Variants in OSBPL5 observed in about 807,000 individuals in gnomAD.
OSBPL5 encodes the protein oxysterol-binding protein-related protein 5.
A neutral mutation model predicts 111.2 loss-of-function variants in OSBPL5; 71 were observed. The observed-to-expected ratio is 0.64, with a 90% confidence interval of 0.53 to 0.78. The LOEUF (loss-of-function observed/expected upper bound fraction) is 0.78. Ranked by LOEUF, OSBPL5 falls within the 30% of genes least tolerant of loss-of-function variation. The pLI is 0.00. For missense variants in OSBPL5, 1,210 were observed against 1,189.3 expected (o/e 1.02, Z -0.26); for synonymous variants, 549 against 513.9 (o/e 1.07, Z -0.93).
chr11:3,122,079 C>T lies in OSBPL5; in HGVS notation c.320G>A (p.Arg107Gln), dbSNP rs973797705. Residue 107 changes from arginine to glutamine, a missense_variant, in exon 5 of 22, where the codon CGG becomes CAG. Transcript: ENST00000263650. ...CCGTGTGGCGCGCTTCTTCTCCTGC[C>T]GGTAGTTCTCCTTCTGCGCCTGGGC... ...ETLKAQKENYRQEKKRATRQL... is the reference protein window; with the variant it reads ...ETLKAQKENYQQEKKRATRQL... 23 of 1,576,894 alleles carry T rather than the reference C, an allele frequency of 1.5e-5. No homozygotes were observed. The highest frequency in any genetic ancestry group is 4.0e-5 in the African/African-American group (3 of 74,482).
intron 1 of OSBPL5, among the ~76,000 whole-genome samples, chr11:3,155,484 T>G (rs1169774871): frequency 1.9e-5 from 1 of 51,300 alleles, no homozygotes; most frequent in Admixed American, 2.3e-4. Flanking sequence ...CCCCCCAGCT[T>G]TGCCACTCCC....
rs567473949 is a variant in OSBPL5 at position 3,090,632 on chromosome 11, G to A, written c.2324C>T (p.Thr775Met). Residue 775 changes from threonine to methionine, a missense_variant, in exon 20 of 22, where the codon ACG (threonine) becomes ATG (methionine). Physicochemically the swap from Thr to Met is moderately conservative, Grantham distance 81 (BLOSUM62 -1). Transcript: ENST00000263650. ...SDQPSGHSQA[T>M]ESSGSTPESC... ...CTCAGGCGTGGATCCGCTGCTCTCCGTGGCCTGGCTGTGGCCGGAGGGCTG... is the reference window on the plus strand; with the variant it reads ...CTCAGGCGTGGATCCGCTGCTCTCCATGGCCTGGCTGTGGCCGGAGGGCTG... 34 of 1,613,012 alleles carry A rather than the reference G, an allele frequency of 2.1e-5. No homozygotes were observed. Among genetic ancestry groups the A allele is most frequent in the Admixed American group, 3.3e-5 (2 of 60,022 alleles).
rs374656353 is a variant in OSBPL5 at position 3,107,882 on chromosome 11, G to A, written c.755C>T (p.Thr252Ile). 7 of 1,606,702 alleles carry A rather than the reference G, an allele frequency of 4.4e-6. No individual in the cohort carries two copies. The African/African-American group carries it at 9.3e-5, about 21-fold the overall frequency. The stretch of plus-strand genomic sequence containing the variant: ...CTCCCCGTCTCGGCCCGGCTTGCAG[G>A]TGCCCAGTCTCAGTAGGCTAGAGCA... ...LRCSSLLRLG[T>I]CKPGRDGEPG... Residue 252 changes from threonine to isoleucine, a missense_variant, in exon 8 of 22, where the codon ACC becomes ATC. Transcript: ENST00000263650. The surrounding 1 kb of genome is among the most constrained non-coding windows in gnomAD (Gnocchi z 6.1).
In OSBPL5 at chr11:3,130,540, A is replaced by G. The variant is rs1198125433; in HGVS notation, c.-21-1371T>C. On this transcript the variant is annotated intron_variant, in intron 1 of 21. Transcript: ENST00000263650. This position sits in a 1 kb window ranked among gnomAD's most constrained non-coding sequence, Gnocchi z 4.5. ...CCTCTGTGCCCCCAGTCCTGAAGTC[A>G]GAGTGGGGAGGGGCTCCAAGGATGC... 6.6e-6 allele frequency among the ~76,000 whole-genome samples: 1 copy of G among 152,164 alleles called. No individual in the cohort carries two copies. Among genetic ancestry groups the G allele is most frequent in the Non-Finnish European group, 1.5e-5 (1 of 68,024 alleles).
chr11:3,144,517 C>T (rs1846268500), intron 1 of OSBPL5, among the ~76,000 whole-genome samples: 2 of 152,244 alleles, frequency 1.3e-5, no homozygotes, highest in South Asian at 4.1e-4. Flanking sequence ...ACCAGCTGAC[C>T]TCTGCAGGGG....
At chr11:3,129,345 C>T in intron 1 of OSBPL5, 176 bp from the exon 2 acceptor site, 1 of 503,822 alleles carries the variant, frequency 2.0e-6, no homozygotes, top group East Asian at 3.6e-5. Context: ...GACAGCCCAG[C>T]TCAGGCGAAT....
chr11:3,150,822 G>C (rs1183560751), intron 1 of OSBPL5, among the ~76,000 whole-genome samples: 1 of 152,182 alleles, frequency 6.6e-6, no homozygotes, highest in Non-Finnish European at 1.5e-5. Context: ...ACGCACGCCT[G>C]CATCTGTGAT....
At chr11:3,091,660 G>A (rs561146387) in intron 19 of OSBPL5, among the ~76,000 whole-genome samples, 2 of 152,238 alleles carry the variant, frequency 1.3e-5, no homozygotes, top group Non-Finnish European at 2.9e-5. Flanking sequence ...GACATAGGGG[G>A]TGCATCTGTC....
Position 3,162,274 on chromosome 11 carries a change from G to A in OSBPL5, c.-22+2942C>T, listed in dbSNP as rs772982936. ...GAGGCCAGCCCTGGAGGGAGTAGCC[G>A]GATGTGAGGTGGGCTGGGAGGCCGA... On this transcript the variant is annotated intron_variant, in intron 1 of 21. Coordinates refer to ENST00000263650, the MANE Select transcript of OSBPL5 (RefSeq NM_020896.4). The surrounding 1 kb of genome is among the most constrained non-coding windows in gnomAD (Gnocchi z 8.1). Among the ~76,000 whole-genome samples, 3 of 152,130 alleles carry A rather than the reference G, an allele frequency of 2.0e-5. No homozygotes were observed. The highest frequency in any genetic ancestry group is 3.9e-4 in the East Asian group (2 of 5,186).
chr11:3,142,814 G>A lies in OSBPL5; in HGVS notation c.-21-13645C>T, dbSNP rs746311697. On this transcript the variant is annotated intron_variant, in intron 1 of 21. Coordinates refer to ENST00000263650, the MANE Select transcript of OSBPL5 (RefSeq NM_020896.4). The surrounding 1 kb of genome is among the most constrained non-coding windows in gnomAD (Gnocchi z 7.1). ...ATCCCCGAGCCCCATGCAGCCTTGC[G>A]GGTAGAAGGGCAGTGACTGCCCACT... Among the ~76,000 whole-genome samples the A allele has an allele frequency of 9.2e-5, 14 of 151,954 alleles. No homozygotes were observed. The highest frequency in any genetic ancestry group is 1.2e-4 in the African/African-American group (5 of 41,350).
chr11:3,161,631 G>A lies in OSBPL5; in HGVS notation c.-22+3585C>T, dbSNP rs1168401272. On this transcript the variant is annotated intron_variant, in intron 1 of 21. Transcript: ENST00000263650. The surrounding 1 kb of genome is among the most constrained non-coding windows in gnomAD (Gnocchi z 8.0). ...ATGGGGACAGACACCGCGCACCAGC[G>A]GCACCCACCAGGGACAGATGCCACG... Among the ~76,000 whole-genome samples, 7 of 152,188 alleles carry A rather than the reference G, an allele frequency of 4.6e-5. No individual in the cohort carries two copies. The highest frequency in any genetic ancestry group is 3.9e-4 in the East Asian group (2 of 5,174).
Position 3,098,531 on chromosome 11 carries a change from G to C in OSBPL5, c.1621+1627C>G, listed in dbSNP as rs752559717. Among the ~76,000 whole-genome samples the C allele has an allele frequency of 2.1e-3, 192 of 93,054 alleles. 1 individual carries two copies. The highest frequency in any genetic ancestry group is 3.3e-3 in the Non-Finnish European group (165 of 50,232). The allele number at this position is 93,054 out of a possible 152,430, so 61.0% of individuals were successfully genotyped here. A position where few individuals can be genotyped will look rare whatever the true frequency, so the allele number is the denominator to read the frequency against. ...TTTTTTTTTTTTTTTTGGAGATGGA[G>C]TTTCGCTCTTGTTGCCCAGGCTGGA... On this transcript the variant is annotated intron_variant, in intron 14 of 21. Transcript: ENST00000263650.
At chr11:3,136,198 T>C (rs1194218690) in intron 1 of OSBPL5, among the ~76,000 whole-genome samples, 2 of 152,184 alleles carry the variant, frequency 1.3e-5, no homozygotes, top group Non-Finnish European at 2.9e-5. Flanking sequence ...CCAGGCCCAA[T>C]GGGGGCCCCA....
Position 3,126,404 on chromosome 11 carries a change from CCCAGCCGTTT to C in OSBPL5, c.219+59_219+68del, listed in dbSNP as rs1240964809. The C allele has an allele frequency of 5.0e-6, 7 of 1,398,790 alleles. No homozygotes were observed. The highest frequency in any genetic ancestry group is 2.9e-5 in the African/African-American group (2 of 69,052). The allele number at this position is 1,398,790 out of a possible 1,614,324, so 86.6% of individuals were successfully genotyped here. On this transcript the variant is annotated intron_variant, in intron 3 of 21. Coordinates refer to ENST00000263650, the MANE Select transcript of OSBPL5 (RefSeq NM_020896.4). This position sits in a 1 kb window ranked among gnomAD's most constrained non-coding sequence, Gnocchi z 6.5. ...AGCTGGACGCCCTGCTGTCCTTTTCCCCAGCCGTTTCCTGCTGTCCCCAGAGCCAGGCTCT... is the reference window on the plus strand; with the variant it reads ...AGCTGGACGCCCTGCTGTCCTTTTCCCCTGCTGTCCCCAGAGCCAGGCTCT...
chr11:3,088,182 C>G lies in OSBPL5; in HGVS notation c.*23G>C. On this transcript the variant is annotated 3_prime_UTR_variant, in exon 22 of 22. Transcript: ENST00000263650. ...CTGGGAGGGAGGGCTCAGGACCGGC[C>G]AGGAGCTCTGCCCTCAGGGCTCCTA... The G allele has an allele frequency of 3.9e-6, 6 of 1,550,170 alleles. No homozygotes were observed. The highest frequency in any genetic ancestry group is 5.2e-6 in the Non-Finnish European group (6 of 1,145,146).
intron 1 of OSBPL5, among the ~76,000 whole-genome samples, chr11:3,145,079 G>A (rs534551670): frequency 1.3e-3 from 198 of 152,312 alleles, no homozygotes; most frequent in African/African-American, 4.5e-3. Context: ...GGGGCACTGC[G>A]CTCCCCTCAG....
rs1263740640 is a variant in OSBPL5 at position 3,165,011 on chromosome 11, C to T, written c.-22+205G>A. On this transcript the variant is annotated intron_variant, in intron 1 of 21. Transcript: ENST00000263650. This position sits in a 1 kb window ranked among gnomAD's most constrained non-coding sequence, Gnocchi z 7.4. ...CAGGCTCCCGCGCTCCCCAGCTCCC[C>T]AGCGCGCGACCGGCCCCGCGGCGTG... 6.6e-6 allele frequency among the ~76,000 whole-genome samples: 1 copy of T among 151,166 alleles called. No individual in the cohort carries two copies. The highest frequency in any genetic ancestry group is 2.4e-5 in the African/African-American group (1 of 41,318).
rs1564830782 is a variant in OSBPL5, at chr11:3,103,865, C to CTCTGCAGT, written c.1244+327_1244+328insACTGCAGA. On this transcript the variant is annotated intron_variant, in intron 10 of 21. Transcript: ENST00000263650. ...GCAGCCCCTTTCCAGTCTGCGCAGC[C>CTCTGCAGT]CCCTTCCTGCCTCTGTAGCCCCATT... Among the ~76,000 whole-genome samples the CTCTGCAGT allele has an allele frequency of 4.0e-4, 20 of 49,478 alleles. 2 individuals are homozygous for CTCTGCAGT. Among genetic ancestry groups the CTCTGCAGT allele is most frequent in the African/African-American group, 8.4e-4 (13 of 15,536 alleles). 32.5% of individuals were successfully genotyped at this position (49,478 alleles called of 152,430 possible).
chr11:3,118,502 G>A (rs112881663), intron 7 of OSBPL5, among the ~76,000 whole-genome samples: 5,766 of 151,930 alleles, frequency 0.038, 129 homozygotes, highest in Middle Eastern at 0.051. Context: ...GGACCACCTT[G>A]GGCACAAGTC....
Sources: gnomAD v4.1 joint callset for allele counts (sites outside exome capture counted in the v4.1 genomes callset) on GRCh38, gnomAD v4.1.1 for gene constraint, Gnocchi (gnomAD v3.1) non-coding constraint, MANE v1.5 for transcripts, NCBI Gene and HGNC (gene_info 2026-07-23, HGNC 2026-07-21) for gene names.